The following DUSP29 variants were observed in gnomAD, a reference collection of about 807,000 sequenced individuals.
DUSP29 encodes the protein atypical dual-specific protein phosphatase.
A neutral mutation model predicts 13.5 loss-of-function variants in DUSP29; 12 were observed. The observed-to-expected ratio is 0.89, with a 90% CI of 0.57 to 1.44. DUSP29 has a LOEUF of 1.44. Among genes scored for constraint, DUSP29 ranks in the 40% most tolerant of loss-of-function variants. The pLI is 0.00. For synonymous variants in DUSP29, 134 were observed against 128.7 expected (o/e 1.04, Z -0.28); for missense variants, 308 against 301.1 (o/e 1.02, Z -0.17).
chr10:75,054,831 A>G (rs1846920093), intron 2 of DUSP29, among the ~76,000 whole-genome samples: 1 of 151,990 alleles, frequency 6.6e-6, no homozygotes, highest in Non-Finnish European at 1.5e-5. Flanking sequence ...CTATTTACAC[A>G]ATGAGCATAT....
chr10:75,051,375 A>G (rs1846825623), intron 2 of DUSP29, among the ~76,000 whole-genome samples: 1 of 152,254 alleles, frequency 6.6e-6, no homozygotes, highest in Non-Finnish European at 1.5e-5. Context: ...TAGAATCCAC[A>G]TAGGCGAAGA....
At chr10:75,059,185 T>C (rs1328851547) in intron 1 of DUSP29, among the ~76,000 whole-genome samples, 1 of 152,198 alleles carries the variant, frequency 6.6e-6, no homozygotes, top group Non-Finnish European at 1.5e-5. Flanking sequence ...ATCACTGTGT[T>C]AACTTACCAA....
At chr10:75,039,352 C>T (rs1004493129) in intron 3 of DUSP29, among the ~76,000 whole-genome samples, 11 of 152,132 alleles carry the variant, frequency 7.2e-5, no homozygotes, top group African/African-American at 2.2e-4. Flanking sequence ...TGGCAAAACT[C>T]CATCTCTACA....
At chr10:75,043,712 GA>G (rs1448002104) in intron 3 of DUSP29, 84 bp downstream of exon 3, 15 of 1,244,156 alleles carry the variant, frequency 1.2e-5, no homozygotes, top group South Asian at 8.5e-5. Context: ...GTGGGGCGGG[GA>G]AGGGGCGGGG....
intron 2 of DUSP29, among the ~76,000 whole-genome samples, chr10:75,044,225 A>C (rs1846655633): frequency 6.6e-6 from 1 of 152,106 alleles, no homozygotes; most frequent in Non-Finnish European, 1.5e-5. Context: ...TCAAGAAAGG[A>C]CAGGGTGGAG....
At chr10:75,072,324 AGCCCCACAGCCT>A (rs1367887200) in intron 1 of DUSP29, among the ~76,000 whole-genome samples, 5 of 152,168 alleles carry the variant, frequency 3.3e-5, no homozygotes, top group Non-Finnish European at 7.3e-5. Context: ...ATGGGGTCAG[AGCCCCACAGCCT>A]GCCCGTCTGT....
In DUSP29 at chr10:75,063,331, A is replaced by G. The variant is rs958431073; in HGVS notation, c.-34-4783T>C. Among the ~76,000 whole-genome samples, 4 of 152,192 alleles carry G rather than the reference A, an allele frequency of 2.6e-5. No individual in the cohort carries two copies. In the South Asian group the frequency reaches 8.3e-4, roughly 31 times the overall value. On this transcript the variant is annotated intron_variant, in intron 1 of 3. Coordinates refer to ENST00000338487, the MANE Select transcript of DUSP29 (RefSeq NM_001003892.3). The stretch of plus-strand genomic sequence containing the variant: ...GATAGCATCTACTACAGGTGCCTAC[A>G]GGTGCCTCCTCAGCTCAAGTCACTG...
chr10:75,044,051 G>C (rs770955509), intron 2 of DUSP29, 34 bp from the exon 3 acceptor site: 2 of 1,581,056 alleles, frequency 1.3e-6, no homozygotes, highest in Admixed American at 3.5e-5. Flanking sequence ...GTGGGCGCGC[G>C]GCGCCCTGCC....
rs1846500745 is a variant in DUSP29, at chr10:75,037,985, C to A, written c.514G>T (p.Asp172Tyr). ...TTCTTGGCCACTTGCTGGATGGCGT[C>A]CACCAGGGTCATGTCCTTGTGGATC... ...LMIHKDMTLV[D>Y]AIQQVAKNRC... The change falls in exon 4 of 4, where the codon GAC (aspartate) becomes TAC (tyrosine). Residue 172 changes from aspartate to tyrosine, a missense_variant. Transcript: ENST00000338487. 6.2e-7 allele frequency: 1 copy of A among 1,613,810 alleles called. No individual in the cohort carries two copies. Among genetic ancestry groups the A allele is most frequent in the South Asian group, 1.1e-5 (1 of 91,090 alleles).
chr10:75,058,551 G>C lies in DUSP29; in HGVS notation c.-34-3C>G, dbSNP rs757466510. On this transcript the variant is annotated splice_polypyrimidine_tract_variant and splice_region_variant and intron_variant, in intron 1 of 3. Transcript: ENST00000338487. Reference sequence around the variant, plus strand: ...GGGATTTTCTCTCCTTTCTGCAGCTGGTTATGAGAGAGAAGCAGGATGGGG... The same window carrying C: ...GGGATTTTCTCTCCTTTCTGCAGCTCGTTATGAGAGAGAAGCAGGATGGGG... The C allele has an allele frequency of 3.7e-6, 6 of 1,609,900 alleles. No individual in the cohort carries two copies. Among genetic ancestry groups the C allele is most frequent in the Non-Finnish European group, 5.1e-6 (6 of 1,178,370 alleles).
intron 2 of DUSP29, among the ~76,000 whole-genome samples, chr10:75,047,329 TG>T (rs1846727189): frequency 6.6e-6 from 1 of 152,094 alleles, no homozygotes. Context: ...ACAGATGTTG[TG>T]GGGGAGGCAG....
At chr10:75,044,636 A>T (rs570334155) in intron 2 of DUSP29, among the ~76,000 whole-genome samples, 1 of 152,216 alleles carries the variant, frequency 6.6e-6, no homozygotes. Context: ...AATTGATTGC[A>T]GGGAAGTTCT....
chr10:75,061,796 A>T (rs899731665), intron 1 of DUSP29, among the ~76,000 whole-genome samples: 1 of 152,156 alleles, frequency 6.6e-6, no homozygotes, highest in Non-Finnish European at 1.5e-5. Context: ...TCTGGCACGT[A>T]AGAGGTGCTC....
intron 2 of DUSP29, among the ~76,000 whole-genome samples, chr10:75,056,420 C>T (rs767174726): frequency 6.6e-6 from 1 of 151,540 alleles, no homozygotes; most frequent in African/African-American, 2.4e-5. Flanking sequence ...TCTTGCTACT[C>T]AGGAGGCTGA....
chr10:75,049,174 A>C (rs1241898442), intron 2 of DUSP29, among the ~76,000 whole-genome samples: 1 of 149,310 alleles, frequency 6.7e-6, no homozygotes, highest in Non-Finnish European at 1.5e-5. Context: ...TGAACGAGTC[A>C]TATATTCATT....
At chr10:75,047,956 T>C (rs1267926560) in intron 2 of DUSP29, among the ~76,000 whole-genome samples, 1 of 152,224 alleles carries the variant, frequency 6.6e-6, no homozygotes, top group Non-Finnish European at 1.5e-5. Flanking sequence ...ACCTTTGACG[T>C]GATATATTGT....
At chr10:75,060,928 G>A (rs1847074859) in intron 1 of DUSP29, among the ~76,000 whole-genome samples, 1 of 152,138 alleles carries the variant, frequency 6.6e-6, no homozygotes, top group African/African-American at 2.4e-5. Context: ...TAATATAGTT[G>A]GAAAATATAA....
chr10:75,057,977 C>A (rs958874954), intron 2 of DUSP29, among the ~76,000 whole-genome samples: 6 of 152,110 alleles, frequency 3.9e-5, no homozygotes, highest in African/African-American at 1.4e-4. Flanking sequence ...GGGGTCCTGG[C>A]GGCAATCTGG....
chr10:75,068,818 C>T (rs1050506512), intron 1 of DUSP29, among the ~76,000 whole-genome samples: 11 of 152,222 alleles, frequency 7.2e-5, no homozygotes, highest in Admixed American at 2.0e-4. Context: ...CTTGTCTTTA[C>T]GCATTTTAGA....
Sources: gnomAD v4.1 joint callset for allele counts (sites outside exome capture counted in the v4.1 genomes callset) on GRCh38, gnomAD v4.1.1 for gene constraint, MANE v1.5 for transcripts, NCBI Gene and HGNC (gene_info 2026-07-23, HGNC 2026-07-21) for gene names.